The following BACH2 variants were observed in gnomAD, a reference collection of about 807,000 sequenced individuals.
BACH2 encodes the protein BACH transcriptional regulator 2.
A neutral mutation model predicts 61.8 loss-of-function variants in BACH2; 5 were observed. The observed-to-expected ratio is 0.08, with a 90% CI of 0.04 to 0.17. The LOEUF is 0.17. Ranked by LOEUF, BACH2 falls within the 10% of genes least tolerant of loss-of-function variation. The pLI is 1.00. For synonymous variants in BACH2, 446 were observed against 440.1 expected (o/e 1.01, Z -0.17); for missense variants, 824 against 1,091.1 (o/e 0.76, Z 3.45).
At chr6:89,954,540 A>C (rs1774321015) in intron 6 of BACH2, among the ~76,000 whole-genome samples, 1 of 134,384 alleles carries the variant, frequency 7.4e-6, no homozygotes, top group Admixed American at 8.5e-5. Flanking sequence ...TTGATGCTGT[A>C]GGTCTAAGTA....
chr6:90,203,459 T>C (rs182549665), intron 4 of BACH2, among the ~76,000 whole-genome samples: 1 of 149,382 alleles, frequency 6.7e-6, no homozygotes, highest in East Asian at 2.0e-4. Context: ...ACATAAAGAT[T>C]GGAAAGTCAG....
intron 5 of BACH2, among the ~76,000 whole-genome samples, chr6:90,057,568 C>A (rs1237819376): frequency 6.6e-6 from 1 of 152,206 alleles, no homozygotes; most frequent in Non-Finnish European, 1.5e-5. Context: ...GGTACCATTC[C>A]TTCTGAAACT....
intron 6 of BACH2, chr6:89,952,887 A>C (rs1243458169): frequency 6.6e-6 from 1 of 152,246 alleles, no homozygotes; most frequent in Non-Finnish European, 1.5e-5. Context: ...GAAATGGATT[A>C]AACTTGCTGG....
At chr6:90,125,833 T>G (rs548124267) in intron 4 of BACH2, among the ~76,000 whole-genome samples, 1 of 152,294 alleles carries the variant, frequency 6.6e-6, no homozygotes, top group Non-Finnish European at 1.5e-5. Context: ...CCCCTGGAAC[T>G]CTTTCAACCC....
At chr6:90,143,400 C>T (rs187498414) in intron 4 of BACH2, among the ~76,000 whole-genome samples, 104 of 152,288 alleles carry the variant, frequency 6.8e-4, no homozygotes, top group African/African-American at 2.3e-3. Flanking sequence ...CAACGCTGGG[C>T]AAGTTACTTC....
At chr6:90,200,769 C>T (rs1768929664) in intron 4 of BACH2, among the ~76,000 whole-genome samples, 1 of 152,144 alleles carries the variant, frequency 6.6e-6, no homozygotes, top group African/African-American at 2.4e-5. Flanking sequence ...GGGCAATAGC[C>T]TTCCGGTCTT....
intron 2 of BACH2, among the ~76,000 whole-genome samples, chr6:90,258,724 CTTAAT>C (rs1420273425): frequency 1.3e-5 from 2 of 151,920 alleles, no homozygotes; most frequent in African/African-American, 2.4e-5. Flanking sequence ...TTTTTTTGTG[CTTAAT>C]TTCTTTCATT....
intron 3 of BACH2, among the ~76,000 whole-genome samples, chr6:90,209,402 A>G (rs1393822701): frequency 6.6e-6 from 1 of 152,200 alleles, no homozygotes; most frequent in African/African-American, 2.4e-5. Flanking sequence ...TGAAAAAAAT[A>G]ATGCATGTAA....
chr6:90,071,568 C>T (rs1417612024), intron 5 of BACH2, among the ~76,000 whole-genome samples: 1 of 152,186 alleles, frequency 6.6e-6, no homozygotes, highest in Non-Finnish European at 1.5e-5. Context: ...CTTTTCTTCC[C>T]CATTGCTTCT....
chr6:90,062,703 T>C (rs1046116551), intron 5 of BACH2, among the ~76,000 whole-genome samples: 1 of 152,040 alleles, frequency 6.6e-6, no homozygotes, highest in Non-Finnish European at 1.5e-5. Context: ...GATTTTCCTT[T>C]ACAGATCTTA....
intron 4 of BACH2, among the ~76,000 whole-genome samples, chr6:90,093,472 T>A (rs990991175): frequency 6.6e-6 from 1 of 152,232 alleles, no homozygotes; most frequent in South Asian, 2.1e-4. Context: ...ATCTCTGCTG[T>A]CCAATATGGC....
chr6:90,043,606 C>A (rs1562395065), intron 5 of BACH2, among the ~76,000 whole-genome samples: 1 of 151,478 alleles, frequency 6.6e-6, no homozygotes, highest in African/African-American at 2.4e-5. Context: ...CAAACTAAGA[C>A]ACTCATCTCA....
At chr6:90,174,671 T>C (rs1441454097) in intron 4 of BACH2, among the ~76,000 whole-genome samples, 1 of 152,002 alleles carries the variant, frequency 6.6e-6, no homozygotes, top group Non-Finnish European at 1.5e-5. Flanking sequence ...TAGGACCCTT[T>C]GACAGTGGCA....
At chr6:89,994,892 T>C (rs1291540836) in intron 6 of BACH2, among the ~76,000 whole-genome samples, 1 of 152,252 alleles carries the variant, frequency 6.6e-6, no homozygotes, top group East Asian at 1.9e-4. Context: ...ATTTTTACTT[T>C]GCACACGTTC....
intron 4 of BACH2, among the ~76,000 whole-genome samples, chr6:90,110,079 T>G (rs554285223): frequency 1.1e-4 from 17 of 152,378 alleles, no homozygotes; most frequent in Admixed American, 2.0e-4. Context: ...AGTATCTGGC[T>G]TAACAGAGGA....
At position 90,218,688 on chromosome 6, in the gene BACH2, G is replaced by T. The variant is rs550474384; in HGVS notation, c.-274-12007C>A. On this transcript the variant is annotated intron_variant, in intron 3 of 8. Transcript: ENST00000257749. ...TTTCTCTGGCTCGAATTACCCGCCT[G>T]TCAGGCCTGACGGATTTGGCTAAAA... Among the ~76,000 whole-genome samples, 33 of 152,086 alleles carry T rather than the reference G, an allele frequency of 2.2e-4. No individual in the cohort carries two copies. In the South Asian group the frequency reaches 2.7e-3, roughly 12 times the overall value.
chr6:90,101,916 A>G lies in BACH2; in HGVS notation c.-161-12807T>C, dbSNP rs146016031. 8.6e-3 allele frequency among the ~76,000 whole-genome samples: 1,307 copies of G among 152,236 alleles called. 15 individuals are homozygous for G. Among genetic ancestry groups the G allele is most frequent in the African/African-American group, 0.029 (1,187 of 41,546 alleles). On this transcript the variant is annotated intron_variant, in intron 4 of 8. Coordinates refer to ENST00000257749, the MANE Select transcript of BACH2 (RefSeq NM_021813.4). ...TGAATATTTAATTATTTTTGATGCT[A>G]TGTAAATGGAATTGTTTTTGTAATT...
At chr6:90,122,141 G>A (rs1783654359) in intron 4 of BACH2, among the ~76,000 whole-genome samples, 2 of 152,236 alleles carry the variant, frequency 1.3e-5, no homozygotes, top group African/African-American at 4.8e-5. Context: ...CACACGTCCA[G>A]GCAAAGCACA....
At chr6:90,018,822 A>G (rs1366408333) in intron 5 of BACH2, among the ~76,000 whole-genome samples, 1 of 152,244 alleles carries the variant, frequency 6.6e-6, no homozygotes, top group African/African-American at 2.4e-5. Context: ...AGCATTCTAA[A>G]TAACACAATT....
Sources: allele counts gnomAD v4.1 joint callset (sites outside exome capture counted in the v4.1 genomes callset), GRCh38; gene constraint gnomAD v4.1.1; transcripts MANE v1.5; gene names NCBI Gene and HGNC (gene_info 2026-07-23, HGNC 2026-07-21).